CDH22: variants seen among roughly 807,000 people sequenced by gnomAD.
CDH22 encodes the protein cadherin 22.
CDH22 carries 30 observed loss-of-function variants against 58.4 expected under a neutral mutation model. The observed-to-expected ratio is 0.51, with a 90% CI of 0.38 to 0.70. The LOEUF is 0.70. CDH22 is among the 30% of genes least tolerant of loss of function. The pLI is 0.00. For synonymous variants in CDH22, 513 were observed against 558.2 expected (o/e 0.92, Z 1.14); for missense variants, 1,014 against 1,233.9 (o/e 0.82, Z 2.67).
At chr20:46,236,814 C>A (rs1447614280) in intron 3 of CDH22, among the ~76,000 whole-genome samples, 1 of 151,726 alleles carries the variant, frequency 6.6e-6, no homozygotes, top group South Asian at 2.1e-4. Context: ...GCCTCAGCCT[C>A]CCGAGTAGCT....
rs1179837850 is a variant in CDH22, at chr20:46,210,725, G to T, written c.1033-165C>A. 6.6e-6 allele frequency among the ~76,000 whole-genome samples: 1 copy of T among 152,172 alleles called. No homozygotes were observed. The highest frequency in any genetic ancestry group is 1.5e-5 in the Non-Finnish European group (1 of 68,020). On this transcript the variant is annotated intron_variant, in intron 6 of 11. Transcript: ENST00000537909. The surrounding 1 kb of genome is among the most constrained non-coding windows in gnomAD (Gnocchi z 4.5). ...TTGCAGAACTGACCCAGACCAACCC[G>T]GTGGGTTACGGGTGGAGAAACTGAG...
intron 10 of CDH22, among the ~76,000 whole-genome samples, chr20:46,182,685 C>A (rs1489562589): frequency 6.6e-6 from 1 of 152,250 alleles, no homozygotes; most frequent in Non-Finnish European, 1.5e-5. Context: ...CTACCCCACC[C>A]TTCTAGGTGG....
At chr20:46,276,278 C>T (rs1205067500) in intron 1 of CDH22, among the ~76,000 whole-genome samples, 1 of 152,188 alleles carries the variant, frequency 6.6e-6, no homozygotes, top group Non-Finnish European at 1.5e-5. Context: ...TGTTGGTGAT[C>T]CCTGAAGCGT....
intron 1 of CDH22, among the ~76,000 whole-genome samples, chr20:46,265,734 C>T (rs1303671992): frequency 6.6e-6 from 1 of 152,156 alleles, no homozygotes; most frequent in African/African-American, 2.4e-5. Flanking sequence ...CTGCATAGTA[C>T]TCCATTGCAT....
At chr20:46,273,280 T>C (rs960344981) in intron 1 of CDH22, among the ~76,000 whole-genome samples, 3 of 152,246 alleles carry the variant, frequency 2.0e-5, no homozygotes, top group African/African-American at 7.2e-5. Context: ...GGCTTCTGTT[T>C]TTCCTTCAGT....
intron 1 of CDH22, among the ~76,000 whole-genome samples, chr20:46,259,879 G>A (rs1277568338): frequency 2.6e-5 from 4 of 152,206 alleles, no homozygotes; most frequent in Non-Finnish European, 4.4e-5. Context: ...AAAATGAAAT[G>A]AGAAAAAAAA....
rs2085827736 is a variant in CDH22, at chr20:46,186,709, AAGGGTG to A, written c.1546-10_1546-5del. Reference sequence around the variant, plus strand: ...CCACGCTGATGGTCTGGATGAGCTGAAGGGTGAGGAGGGGATAGAGGGCTAGTGGTG... The same window carrying A: ...CCACGCTGATGGTCTGGATGAGCTGAAGGAGGGGATAGAGGGCTAGTGGTG... On this transcript the variant is annotated splice_polypyrimidine_tract_variant and splice_region_variant and intron_variant, in intron 9 of 11. Coordinates refer to ENST00000537909, the MANE Select transcript of CDH22 (RefSeq NM_021248.3). 6.2e-7 allele frequency: 1 copy of A among 1,613,120 alleles called. No individual in the cohort carries two copies. Among genetic ancestry groups the A allele is most frequent in the Admixed American group, 1.7e-5 (1 of 59,936 alleles).
At chr20:46,244,650 G>T (rs2086315672) in intron 2 of CDH22, among the ~76,000 whole-genome samples, 2 of 152,226 alleles carry the variant, frequency 1.3e-5, no homozygotes, top group African/African-American at 4.8e-5. Context: ...CCAAAGCCCA[G>T]TTTGGTTTCT....
intron 7 of CDH22, among the ~76,000 whole-genome samples, chr20:46,202,644 T>C (rs565220304): frequency 1.2e-4 from 18 of 152,266 alleles, no homozygotes; most frequent in African/African-American, 4.1e-4. Flanking sequence ...TGAGCCACCA[T>C]GCCCGGCCGC....
At chr20:46,190,024 G>A (rs188393578) in intron 8 of CDH22, among the ~76,000 whole-genome samples, 94 of 152,222 alleles carry the variant, frequency 6.2e-4, no homozygotes, top group Admixed American at 3.3e-4. Flanking sequence ...AGGGTGACTG[G>A]GAGGCGGGGG....
At chr20:46,202,578 C>A (rs1469339746) in intron 7 of CDH22, among the ~76,000 whole-genome samples, 1 of 152,246 alleles carries the variant, frequency 6.6e-6, no homozygotes, top group South Asian at 2.1e-4. Context: ...TGGTCTCAAT[C>A]TCCTGACCTT....
chr20:46,301,571 G>A (rs947564629), intron 1 of CDH22, among the ~76,000 whole-genome samples: 20 of 152,020 alleles, frequency 1.3e-4, no homozygotes, highest in African/African-American at 4.8e-4. Flanking sequence ...AGCACTTTGG[G>A]AGGCCAAGGA....
At chr20:46,213,337 G>C in intron 5 of CDH22, 149 bp from the exon 6 acceptor site, 1 of 613,508 alleles carries the variant, frequency 1.6e-6, no homozygotes, top group Non-Finnish European at 2.9e-6. Flanking sequence ...ATGGGGGCTG[G>C]GAGAGGAATG....
intron 11 of CDH22, among the ~76,000 whole-genome samples, chr20:46,175,878 C>G (rs2085734829): frequency 6.6e-6 from 1 of 152,198 alleles, no homozygotes; most frequent in Non-Finnish European, 1.5e-5. Flanking sequence ...CTGTCTCCAC[C>G]CCAAAACACA....
chr20:46,280,476 G>A (rs1340258949), intron 1 of CDH22, among the ~76,000 whole-genome samples: 2 of 152,182 alleles, frequency 1.3e-5, no homozygotes, highest in Non-Finnish European at 2.9e-5. Context: ...TTGTCATTAG[G>A]ATAATGATGG....
At position 46,174,713 on chromosome 20, in the gene CDH22, C is replaced by A; in HGVS notation, c.2280G>T (p.Gly760=). 1 of 1,556,268 alleles carries A rather than the reference C, an allele frequency of 6.4e-7. No homozygotes were observed. The highest frequency in any genetic ancestry group is 8.6e-7 in the Non-Finnish European group (1 of 1,158,680). ...CGTCGTAGGGCGGCACCGACAGGTC[C>A]CCGTCCGCCAGTGCCACCTTGCGGC... The part of the protein sequence containing the change: ...FISRKVALAD[G]DLSVPPYDAF... The change falls in exon 12 of 12, where the codon GGG becomes GGT. Residue 760 remains glycine (G), a synonymous_variant. Transcript: ENST00000537909. The surrounding 1 kb of genome is among the most constrained non-coding windows in gnomAD (Gnocchi z 4.4).
At chr20:46,227,166 C>T (rs1262713280) in intron 4 of CDH22, among the ~76,000 whole-genome samples, 6 of 152,196 alleles carry the variant, frequency 3.9e-5, no homozygotes, top group African/African-American at 1.4e-4. Flanking sequence ...AGCTCAAACG[C>T]CTGCTTCAAC....
chr20:46,304,764 G>A (rs549805140), intron 1 of CDH22, among the ~76,000 whole-genome samples: 31 of 152,330 alleles, frequency 2.0e-4, no homozygotes, highest in Middle Eastern at 6.8e-3. Flanking sequence ...CTGAGCTAAG[G>A]AGTGAGTAGT....
At chr20:46,246,814 C>A (rs545694501) in intron 2 of CDH22, among the ~76,000 whole-genome samples, 1 of 152,102 alleles carries the variant, frequency 6.6e-6, no homozygotes, top group African/African-American at 2.4e-5. Flanking sequence ...ATGCTCCGAG[C>A]GGCTCCCTGG....
Sources: allele counts gnomAD v4.1 joint callset (sites outside exome capture counted in the v4.1 genomes callset), GRCh38; gene constraint gnomAD v4.1.1; non-coding constraint Gnocchi (gnomAD v3.1); transcripts MANE v1.5; gene names NCBI Gene and HGNC (gene_info 2026-07-23, HGNC 2026-07-21).